ATXN3: variants seen among roughly 807,000 people sequenced by gnomAD.
ATXN3 encodes ataxin 3.
In ATXN3, 28 loss-of-function variants were observed where a neutral mutation model predicts 58.2. That is an observed-to-expected ratio of 0.48 (90% CI 0.36 to 0.66). The LOEUF (loss-of-function observed/expected upper bound fraction) is 0.66, where lower values mean the gene tolerates loss of function less well. ATXN3 is among the 30% of genes least tolerant of loss of function. ATXN3 has a pLI of 0.00. For synonymous variants in ATXN3, 113 were observed against 138.5 expected (o/e 0.82, Z 1.29); for missense variants, 321 against 422.1 (o/e 0.76, Z 2.10).
rs2057977147 is a variant in ATXN3 at position 92,064,120 on chromosome 14, T to G, written c.*200A>C. ...ATTTTAAATGTCTTTAATTGCTGAA[T>G]GCCTCTTTGGCTAATATTTGGAAGA... On this transcript the variant is annotated 3_prime_UTR_variant, in exon 11 of 11. Coordinates refer to ENST00000644486, the MANE Select transcript of ATXN3 (RefSeq NM_004993.6). 2.5e-6 allele frequency: 1 copy of G among 392,836 alleles called. No individual in the cohort carries two copies. Among genetic ancestry groups the G allele is most frequent in the East Asian group, 4.1e-5 (1 of 24,658 alleles). The allele number at this position is 392,836 out of a possible 1,614,324, so 24.3% of individuals were successfully genotyped here.
downstream of ATXN3, among the ~76,000 whole-genome samples, chr14:92,054,869 T>C (rs866122705): frequency 1.3e-4 from 19 of 142,944 alleles, no homozygotes; most frequent in Admixed American, 4.1e-4. Flanking sequence ...GTCACTGTTA[T>C]ATTAGTTTGT....
chr14:92,096,554 G>A, intron 2 of ATXN3, 120 bp downstream of exon 2: 1 of 1,032,802 alleles, frequency 9.7e-7, no homozygotes, highest in South Asian at 1.6e-5. Context: ...AACCCGGGAG[G>A]CAGAGGTTGC....
chr14:92,079,971 C>T (rs976586868), intron 9 of ATXN3, among the ~76,000 whole-genome samples: 24 of 152,034 alleles, frequency 1.6e-4, no homozygotes, highest in Non-Finnish European at 4.4e-5. Context: ...TTCCTGACCT[C>T]AGGTGATCCA....
chr14:92,092,385 T>C (rs1030444100), intron 5 of ATXN3, among the ~76,000 whole-genome samples: 18 of 152,234 alleles, frequency 1.2e-4, no homozygotes, highest in African/African-American at 4.3e-4. Context: ...TAAATGATTG[T>C]TTCTTAAAAT....
chr14:92,083,345 C>G, intron 6 of ATXN3, 87 bp from the exon 7 acceptor site: 3 of 1,273,760 alleles, frequency 2.4e-6, no homozygotes, highest in Non-Finnish European at 3.3e-6. Context: ...AAAGGCAGCA[C>G]AGAACACTGG....
chr14:92,087,179 G>A (rs2896195), intron 6 of ATXN3, among the ~76,000 whole-genome samples: 43,001 of 151,888 alleles, frequency 0.28, 6,438 homozygotes, highest in East Asian at 0.44. Context: ...CTTGGAGAGT[G>A]GTACATAATT....
chr14:92,080,400 C>T (rs1313952775), intron 9 of ATXN3: 1 of 152,708 alleles, frequency 6.5e-6, no homozygotes, highest in East Asian at 1.9e-4. Context: ...TTGTCTTGTC[C>T]TAATTTCATT....
chr14:92,105,565 GCTC>G (rs1200421154), intron 1 of ATXN3, among the ~76,000 whole-genome samples: 2 of 152,112 alleles, frequency 1.3e-5, no homozygotes, highest in Admixed American at 6.6e-5. Flanking sequence ...AAAACCCTTT[GCTC>G]CTCCTATTAA....
upstream of ATXN3, among the ~76,000 whole-genome samples, chr14:92,051,718 CTTTTTTTT>C (rs1160650510): frequency 8.4e-5 from 3 of 35,692 alleles, no homozygotes; most frequent in African/African-American, 2.2e-4. Flanking sequence ...CTTTTCCTTT[CTTTTTTTT>C]TTTTTTTTTT....
intron 1 of ATXN3, among the ~76,000 whole-genome samples, chr14:92,098,204 C>A (rs532547403): frequency 6.6e-6 from 1 of 152,136 alleles, no homozygotes; most frequent in Non-Finnish European, 1.5e-5. Context: ...CTCCAGGGCT[C>A]AAGGGATCTT....
At chr14:92,093,414 A>C (rs1178480421) in intron 4 of ATXN3, 96 bp from the exon 5 acceptor site, 2 of 707,242 alleles carry the variant, frequency 2.8e-6, no homozygotes. Context: ...ATAATTTAAG[A>C]TTATATTTAT....
intron 2 of ATXN3, chr14:92,046,383 C>T (rs1044318762): frequency 9.2e-5 from 14 of 152,364 alleles, no homozygotes; most frequent in African/African-American, 3.4e-4. Context: ...GAGTGAATGC[C>T]AGGTGGATTA....
intron 9 of ATXN3, among the ~76,000 whole-genome samples, chr14:92,074,012 CAAAAAAA>C (rs554711538): frequency 1.3e-5 from 1 of 74,804 alleles, no homozygotes; most frequent in Non-Finnish European, 2.7e-5. Context: ...GACTCCACCT[CAAAAAAA>C]AAAAAAAAAA....
intron 1 of ATXN3, among the ~76,000 whole-genome samples, chr14:92,097,127 T>C (rs2065544398): frequency 6.6e-6 from 1 of 152,098 alleles, no homozygotes; most frequent in Non-Finnish European, 1.5e-5. Flanking sequence ...GCCAGGATGG[T>C]CTTGATCTCC....
intron 1 of ATXN3, among the ~76,000 whole-genome samples, chr14:92,106,328 G>T (rs1488526673): frequency 6.6e-6 from 1 of 151,644 alleles, no homozygotes; most frequent in Non-Finnish European, 1.5e-5. Context: ...TCCCAGGGCG[G>T]GGGCCGCGGG....
downstream of ATXN3, among the ~76,000 whole-genome samples, chr14:92,058,023 AT>A (rs1349535674): frequency 6.6e-6 from 1 of 152,202 alleles, no homozygotes; most frequent in African/African-American, 2.4e-5. Context: ...TTGAACAAAC[AT>A]TTAAAAAATA....
chr14:92,051,967 C>T (rs2057450349), upstream of ATXN3, among the ~76,000 whole-genome samples: 1 of 151,408 alleles, frequency 6.6e-6, no homozygotes, highest in Non-Finnish European at 1.5e-5. Context: ...CCTCATGATG[C>T]ACCCGCCTTG....
chr14:92,095,936 T>C (rs1168619484), intron 3 of ATXN3, among the ~76,000 whole-genome samples, 157 bp downstream of exon 3: 2 of 151,802 alleles, frequency 1.3e-5, no homozygotes, highest in Non-Finnish European at 2.9e-5. Flanking sequence ...AACGAGACTC[T>C]GTCTCAAGAA....
At chr14:92,095,285 C>G (rs551225394) in intron 3 of ATXN3, among the ~76,000 whole-genome samples, 89 of 152,148 alleles carry the variant, frequency 5.8e-4, no homozygotes, top group African/African-American at 2.1e-3. Context: ...CGCTCTGTCA[C>G]CAGGCTAGAG....
Sources: gnomAD v4.1 joint callset for allele counts (sites outside exome capture counted in the v4.1 genomes callset) on GRCh38, gnomAD v4.1.1 for gene constraint, MANE v1.5 for transcripts, NCBI Gene and HGNC (gene_info 2026-07-23, HGNC 2026-07-21) for gene names.